Variants in ZNF331 observed in about 807,000 individuals in gnomAD.
The protein encoded by ZNF331 is zinc finger protein 331, also known as C2H2-like zinc finger protein rearranged in thyroid adenomas.
Under a neutral mutation model 7.0 loss-of-function variants are expected in ZNF331, and 2 were observed. The observed-to-expected ratio is 0.29, with a 90% confidence interval of 0.12 to 0.90. The LOEUF (loss-of-function observed/expected upper bound fraction) is 0.90, where lower values mean the gene tolerates loss of function less well. Ranked by LOEUF, ZNF331 falls within the 40% of genes least tolerant of loss-of-function variation. The pLI, the probability that ZNF331 is intolerant of heterozygous loss-of-function variation, is 0.58. For synonymous variants in ZNF331, 196 were observed against 205.4 expected (o/e 0.95, Z 0.39); for missense variants, 432 against 587.7 (o/e 0.74, Z 2.74).
At chr19:53,551,385 T>G (rs1174572223) in intron 2 of ZNF331, among the ~76,000 whole-genome samples, 1 of 152,178 alleles carries the variant, frequency 6.6e-6, no homozygotes, top group African/African-American at 2.4e-5. Context: ...ATAAAGTAAA[T>G]GAATCAAAGA....
intron 5 of ZNF331, among the ~76,000 whole-genome samples, chr19:53,572,905 G>A (rs2090532714): frequency 6.6e-6 from 1 of 152,016 alleles, no homozygotes; most frequent in Admixed American, 6.6e-5. Flanking sequence ...CAGGCATAAT[G>A]CCTACAGAAA....
At chr19:53,570,863 C>CTTTTT (rs1013301254) in intron 4 of ZNF331, among the ~76,000 whole-genome samples, 16 of 129,086 alleles carry the variant, frequency 1.2e-4, no homozygotes, top group East Asian at 2.4e-4. Flanking sequence ...CTTTTCTTTT[C>CTTTTT]TTTTTTTTTT....
chr19:53,526,831 C>T (rs1387179138), intron 2 of ZNF331, among the ~76,000 whole-genome samples: 3 of 151,464 alleles, frequency 2.0e-5, no homozygotes, highest in East Asian at 2.0e-4. Context: ...GGATTACAGG[C>T]GTGAGCCACC....
the ZNF331 span, among the ~76,000 whole-genome samples, chr19:53,504,789 A>T: frequency 6.6e-6 from 1 of 152,200 alleles, no homozygotes; most frequent in Non-Finnish European, 1.5e-5. Flanking sequence ...AGGTTTGGTG[A>T]TGCTGGGACA....
exon 1 of ZNF331, chr19:53,521,641 A>C (rs2087092749): frequency 6.6e-6 from 1 of 152,564 alleles, no homozygotes; most frequent in South Asian, 2.1e-4. Context: ...TGGGGTCTGC[A>C]GAGGTGGCAC....
intron 2 of ZNF331, among the ~76,000 whole-genome samples, chr19:53,540,134 G>A (rs11672776): frequency 0.084 from 12,816 of 152,160 alleles, 618 homozygotes; most frequent in South Asian, 0.18. Context: ...TTTATTGAGC[G>A]CATTTTTGTA....
chr19:53,533,141 C>T (rs967638135), intron 2 of ZNF331, among the ~76,000 whole-genome samples: 3 of 139,782 alleles, frequency 2.1e-5, no homozygotes, highest in African/African-American at 7.5e-5. Context: ...TTGCTATAAA[C>T]TTCCCTCTTA....
chr19:53,551,413 T>G (rs2089000453), intron 2 of ZNF331, among the ~76,000 whole-genome samples: 1 of 152,158 alleles, frequency 6.6e-6, no homozygotes, highest in South Asian at 2.1e-4. Context: ...AATGGTAGTT[T>G]GTGAAAGGCA....
At chr19:53,576,602 A>T in intron 5 of ZNF331, 95 bp from the exon 6 acceptor site, 1 of 1,098,158 alleles carries the variant, frequency 9.1e-7, no homozygotes, top group Non-Finnish European at 1.3e-6. Context: ...CTACTGGATA[A>T]TTTTTATTTC....
the ZNF331 span, among the ~76,000 whole-genome samples, chr19:53,507,388 A>G: frequency 6.6e-6 from 1 of 152,178 alleles, no homozygotes; most frequent in South Asian, 2.1e-4. Flanking sequence ...TCCAAACTCT[A>G]CAAAACCCCC....
intron 2 of ZNF331, among the ~76,000 whole-genome samples, chr19:53,544,087 C>T (rs184867400): frequency 3.3e-4 from 50 of 150,682 alleles, no homozygotes; most frequent in African/African-American, 1.1e-3. Flanking sequence ...ATTGGCTGGG[C>T]GTGGTGGCAT....
At chr19:53,540,891 C>G (rs1433321128) in intron 2 of ZNF331, among the ~76,000 whole-genome samples, 1 of 152,226 alleles carries the variant, frequency 6.6e-6, no homozygotes, top group Non-Finnish European at 1.5e-5. Flanking sequence ...CTGTTCATCT[C>G]ACCCTCTTCT....
At chr19:53,545,805 T>G (rs893994114) in intron 2 of ZNF331, among the ~76,000 whole-genome samples, 1 of 152,186 alleles carries the variant, frequency 6.6e-6, no homozygotes, top group African/African-American at 2.4e-5. Context: ...AGATAAGTGT[T>G]CAAGCCGGAC....
upstream of ZNF331, among the ~76,000 whole-genome samples, chr19:53,533,809 T>G (rs2087634900): frequency 6.6e-6 from 1 of 152,188 alleles, no homozygotes; most frequent in Non-Finnish European, 1.5e-5. Context: ...AGTTGACCCT[T>G]GAACAACATG....
At chr19:53,546,140 G>GAAAAAAAAAA (rs527391326) in intron 2 of ZNF331, among the ~76,000 whole-genome samples, 24 of 113,504 alleles carry the variant, frequency 2.1e-4, no homozygotes, top group African/African-American at 4.1e-4. Flanking sequence ...TCCTGAGGGG[G>GAAAAAAAAAA]AAAAAAAAAA....
rs1311983714 is a variant in ZNF331, at chr19:53,571,572, T to A, written c.10-32T>A. On this transcript the variant is annotated intron_variant, in intron 4 of 5. Coordinates refer to ENST00000449416, the MANE Select transcript of ZNF331 (RefSeq NM_001079906.2). The surrounding 1 kb of genome is among the most constrained non-coding windows in gnomAD (Gnocchi z 4.7). ...TTCATCTGGAAGCTGTTTCCTTTCA[T>A]TTCATCATGCACGTGTGGGTTTCTG... 2 of 1,608,944 alleles carry A rather than the reference T, an allele frequency of 1.2e-6. No homozygotes were observed. Among genetic ancestry groups the A allele is most frequent in the South Asian group, 2.2e-5 (2 of 90,206 alleles).
intron 2 of ZNF331, among the ~76,000 whole-genome samples, chr19:53,550,529 C>CTT (rs60619357): frequency 0.17 from 10,789 of 64,070 alleles, 1,902 homozygotes; most frequent in Middle Eastern, 0.32. Flanking sequence ...TCTATTTTGT[C>CTT]TTTTTTTTTT....
intron 2 of ZNF331, among the ~76,000 whole-genome samples, chr19:53,544,345 A>T (rs992656655): frequency 6.6e-6 from 1 of 151,304 alleles, no homozygotes; most frequent in Non-Finnish European, 1.5e-5. Context: ...GGAGATGGAG[A>T]CCATCCTGGC....
intron 2 of ZNF331, among the ~76,000 whole-genome samples, chr19:53,550,981 AC>A (rs2088969191): frequency 6.7e-6 from 1 of 150,256 alleles, no homozygotes; most frequent in Non-Finnish European, 1.5e-5. Flanking sequence ...AGTAGTGTGC[AC>A]CACTATGCCT....
Sources: allele counts gnomAD v4.1 joint callset (sites outside exome capture counted in the v4.1 genomes callset), GRCh38; gene constraint gnomAD v4.1.1; non-coding constraint Gnocchi (gnomAD v3.1); transcripts MANE v1.5; gene names NCBI Gene and HGNC (gene_info 2026-07-23, HGNC 2026-07-21).